Variants in SPHKAP observed in about 807,000 individuals in gnomAD.
SPHKAP encodes the protein SPHK1 interactor, AKAP domain containing.
SPHKAP carries 67 observed loss-of-function variants against 137.5 expected under a neutral mutation model. The ratio of observed to expected loss-of-function variants is 0.49; its 90% CI spans 0.40 to 0.60. SPHKAP has a LOEUF of 0.60. SPHKAP is among the 20% of genes least tolerant of loss of function. The pLI, the probability that SPHKAP is intolerant of heterozygous loss-of-function variation, is 0.00. For synonymous variants in SPHKAP, 813 were observed against 785.3 expected (o/e 1.04, Z -0.59); for missense variants, 2,097 against 2,069.3 (o/e 1.01, Z -0.26).
At chr2:228,156,523 A>T (rs1311530042) in intron 1 of SPHKAP, among the ~76,000 whole-genome samples, 2 of 152,250 alleles carry the variant, frequency 1.3e-5, no homozygotes, top group East Asian at 3.8e-4. Flanking sequence ...TTAAAAGTAC[A>T]ACAATCAGAA....
chr2:228,062,999 T>C (rs980415027), intron 3 of SPHKAP, among the ~76,000 whole-genome samples: 2 of 152,214 alleles, frequency 1.3e-5, no homozygotes, highest in African/African-American at 2.4e-5. Flanking sequence ...GAAGAAATTA[T>C]GTGTTCTGAA....
At chr2:228,008,949 A>G (rs1050873413) in intron 7 of SPHKAP, among the ~76,000 whole-genome samples, 3 of 152,060 alleles carry the variant, frequency 2.0e-5, no homozygotes, top group Non-Finnish European at 2.9e-5. Context: ...CTTGTGTTCA[A>G]TATTCTTGGT....
At chr2:228,130,856 G>A (rs938184160) in intron 2 of SPHKAP, among the ~76,000 whole-genome samples, 10 of 152,062 alleles carry the variant, frequency 6.6e-5, no homozygotes, top group African/African-American at 2.4e-4. Flanking sequence ...TTTATAAGAG[G>A]AGAAAGAATA....
At chr2:228,092,431 GTATATATGTGCCATATATATGTATA>G (rs1559169248) in intron 3 of SPHKAP, among the ~76,000 whole-genome samples, 1 of 116,492 alleles carries the variant, frequency 8.6e-6, no homozygotes, top group Non-Finnish European at 1.8e-5. Context: ...ATACATATAT[GTATATATGTGCCATATATATGTATA>G]CATATATGTG....
At chr2:228,069,445 C>CTTTTTTTTTTTTT (rs1250162411) in intron 3 of SPHKAP, among the ~76,000 whole-genome samples, 1 of 81,492 alleles carries the variant, frequency 1.2e-5, no homozygotes, top group African/African-American at 4.7e-5. Flanking sequence ...TTCTTTCTTT[C>CTTTTTTTTTTTTT]TTTCTTTTTT....
intron 3 of SPHKAP, among the ~76,000 whole-genome samples, chr2:228,092,501 TGTATA>T (rs2106328561): frequency 1.3e-5 from 1 of 75,722 alleles, no homozygotes; most frequent in Non-Finnish European, 2.7e-5. Flanking sequence ...GCCATATATA[TGTATA>T]CATATATGTG....
intron 7 of SPHKAP, among the ~76,000 whole-genome samples, chr2:228,010,448 C>T (rs1327680531): frequency 6.6e-6 from 1 of 152,170 alleles, no homozygotes; most frequent in Non-Finnish European, 1.5e-5. Flanking sequence ...AGGAGAATCG[C>T]TTGCAGCTGG....
chr2:228,012,147 G>T (rs1414177835), intron 7 of SPHKAP, among the ~76,000 whole-genome samples: 1 of 133,860 alleles, frequency 7.5e-6, no homozygotes, highest in Non-Finnish European at 1.5e-5. Context: ...CAGCCTGGGT[G>T]ACAGAGACTC....
chr2:228,079,376 G>A (rs190818385), intron 3 of SPHKAP, among the ~76,000 whole-genome samples: 1 of 152,274 alleles, frequency 6.6e-6, no homozygotes, highest in East Asian at 1.9e-4. Context: ...ATGGCTCTGG[G>A]GTTGGGGATC....
chr2:227,999,382 A>T (rs1291900604), intron 7 of SPHKAP, among the ~76,000 whole-genome samples: 1 of 152,202 alleles, frequency 6.6e-6, no homozygotes, highest in East Asian at 1.9e-4. Context: ...ATTCAAATGA[A>T]AAAAAAGTTC....
At position 228,033,637 on chromosome 2, in the gene SPHKAP, T is replaced by C. The variant is rs531242963; in HGVS notation, c.247-6094A>G. Among the ~76,000 whole-genome samples the C allele has an allele frequency of 7.2e-5, 11 of 152,164 alleles. No individual in the cohort carries two copies. In the East Asian group the frequency reaches 1.9e-3, roughly 27 times the overall value. ...TGACCATATAGTTGGAAGTAAAGCATTCCTCAGCAAATGTAAAAGAACAGA... is the reference window on the plus strand; with the variant it reads ...TGACCATATAGTTGGAAGTAAAGCACTCCTCAGCAAATGTAAAAGAACAGA... On this transcript the variant is annotated intron_variant, in intron 3 of 11. Transcript: ENST00000392056.
intron 1 of SPHKAP, among the ~76,000 whole-genome samples, chr2:228,142,019 C>A (rs1483512078): frequency 6.6e-6 from 1 of 152,150 alleles, no homozygotes; most frequent in Non-Finnish European, 1.5e-5. Flanking sequence ...CCCTGCTTCA[C>A]TTATCACAAA....
rs1402761402 is a variant in SPHKAP, at chr2:228,017,114, G to C, written c.3740C>G (p.Ser1247Cys). The change falls in exon 7 of 12, where the codon TCC (serine) becomes TGC (cysteine). Residue 1247 changes from serine (S) to cysteine (C), a missense_variant. Transcript: ENST00000392056. ...SSMPDSRSPC[S>C]RLTVNVPIKA... ...GATGGGCACATTCACTGTCAGCCTG[G>C]AGCATGGGGATCTGCTGTCTGGCAT... 6.2e-7 allele frequency: 1 copy of C among 1,613,994 alleles called. No individual in the cohort carries two copies. Among genetic ancestry groups the C allele is most frequent in the African/African-American group, 1.3e-5 (1 of 74,920 alleles).
intron 11 of SPHKAP, among the ~76,000 whole-genome samples, chr2:227,985,411 A>C (rs1460161008): frequency 2.6e-5 from 4 of 152,202 alleles, no homozygotes; most frequent in African/African-American, 4.8e-5. Context: ...TCAGAAAAGG[A>C]CATTCTAGTT....
At chr2:228,121,933 G>C (rs1366366464) in intron 2 of SPHKAP, among the ~76,000 whole-genome samples, 1 of 152,110 alleles carries the variant, frequency 6.6e-6, no homozygotes, top group African/African-American at 2.4e-5. Flanking sequence ...ATGAGGACAG[G>C]TGGGGAATGC....
At chr2:228,156,181 G>C (rs762018155) in intron 1 of SPHKAP, among the ~76,000 whole-genome samples, 1 of 152,144 alleles carries the variant, frequency 6.6e-6, no homozygotes, top group Non-Finnish European at 1.5e-5. Flanking sequence ...CGACATATAT[G>C]TTTCACATGT....
At chr2:228,038,350 A>G (rs1444086413) in intron 3 of SPHKAP, among the ~76,000 whole-genome samples, 1 of 152,136 alleles carries the variant, frequency 6.6e-6, no homozygotes, top group Non-Finnish European at 1.5e-5. Context: ...GGTAGTGGGA[A>G]GCTGAAATAA....
intron 7 of SPHKAP, among the ~76,000 whole-genome samples, chr2:228,011,535 A>T (rs1157365193): frequency 3.9e-5 from 6 of 152,210 alleles, no homozygotes; most frequent in Non-Finnish European, 4.4e-5. Flanking sequence ...TAGCCTTGCA[A>T]ATAAGGGTAA....
chr2:228,054,844 G>A (rs1209069761), intron 3 of SPHKAP, among the ~76,000 whole-genome samples: 1 of 126,300 alleles, frequency 7.9e-6, no homozygotes, highest in Non-Finnish European at 1.6e-5. Context: ...TTCTATTCTA[G>A]ATGGAGTGAA....
Sources: gnomAD v4.1 joint callset for allele counts (sites outside exome capture counted in the v4.1 genomes callset) on GRCh38, gnomAD v4.1.1 for gene constraint, MANE v1.5 for transcripts, NCBI Gene and HGNC (gene_info 2026-07-23, HGNC 2026-07-21) for gene names.